The following AOAH variants were observed in gnomAD, a reference collection of about 807,000 sequenced individuals.
AOAH encodes the protein acyloxyacyl hydrolase (neutrophil).
Under a neutral mutation model 92.2 loss-of-function variants are expected in AOAH, and 64 were observed. The ratio of observed to expected loss-of-function variants is 0.69; its 90% CI spans 0.57 to 0.86. The LOEUF (loss-of-function observed/expected upper bound fraction) is 0.86, where lower values mean the gene tolerates loss of function less well. AOAH is among the 40% of genes least tolerant of loss of function. The pLI, the probability that AOAH is intolerant of heterozygous loss-of-function variation, is 0.00. For missense variants in AOAH, 656 were observed against 694.6 expected (o/e 0.94, Z 0.62); for synonymous variants, 263 against 254.5 (o/e 1.03, Z -0.32).
intron 1 of AOAH, among the ~76,000 whole-genome samples, chr7:36,718,086 T>C (rs915681386): frequency 2.6e-5 from 4 of 152,234 alleles, no homozygotes; most frequent in African/African-American, 7.2e-5. Context: ...ATCTAGAATA[T>C]ATGGAGAATT....
chr7:36,518,071 T>G (rs1314749444), intron 20 of AOAH, among the ~76,000 whole-genome samples: 1 of 152,178 alleles, frequency 6.6e-6, no homozygotes, highest in Non-Finnish European at 1.5e-5. Context: ...TGGTAAACAG[T>G]GCCATGAGTT....
At chr7:36,589,805 G>T (rs1314869001) in intron 12 of AOAH, among the ~76,000 whole-genome samples, 1 of 152,040 alleles carries the variant, frequency 6.6e-6, no homozygotes, top group Non-Finnish European at 1.5e-5. Flanking sequence ...AAAAGTTTTG[G>T]TATTGTTTCC....
At chr7:36,680,178 A>G (rs1562690113) in intron 2 of AOAH, among the ~76,000 whole-genome samples, 1 of 152,216 alleles carries the variant, frequency 6.6e-6, no homozygotes, top group East Asian at 1.9e-4. Context: ...GAATGATTCC[A>G]TTAATCATTT....
intron 20 of AOAH, among the ~76,000 whole-genome samples, chr7:36,515,125 C>A (rs1425566013): frequency 1.4e-5 from 2 of 142,062 alleles, no homozygotes; most frequent in East Asian, 2.1e-4. Flanking sequence ...TAATCACACA[C>A]CCCCACACAC....
rs908282474 is a variant in AOAH at position 36,613,360 on chromosome 7, A to G, written c.846+3020T>C. On this transcript the variant is annotated intron_variant, in intron 11 of 20. Coordinates refer to ENST00000617537, the MANE Select transcript of AOAH (RefSeq NM_001637.4). Reference sequence around the variant, plus strand: ...CAGGATGATTCCAAGATTTTTCTTTATCCTTGGAATAAATAAGGAAAAGCA... The same window carrying G: ...CAGGATGATTCCAAGATTTTTCTTTGTCCTTGGAATAAATAAGGAAAAGCA... Among the ~76,000 whole-genome samples the G allele has an allele frequency of 4.6e-5, 7 of 152,268 alleles. No individual in the cohort carries two copies. In the East Asian group the frequency reaches 1.3e-3, roughly 29 times the overall value.
chr7:36,684,945 A>C (rs968308560), intron 2 of AOAH, among the ~76,000 whole-genome samples: 5 of 88,822 alleles, frequency 5.6e-5, no homozygotes, highest in Non-Finnish European at 1.1e-4. Context: ...AAAAAGAAGA[A>C]GAAGAAGAAG....
At chr7:36,651,000 GT>G (rs2116448274) in intron 4 of AOAH, among the ~76,000 whole-genome samples, 1 of 152,358 alleles carries the variant, frequency 6.6e-6, no homozygotes, top group East Asian at 1.9e-4. Flanking sequence ...GGAACTGGGA[GT>G]TCTAGGGAAA....
intron 1 of AOAH, among the ~76,000 whole-genome samples, chr7:36,689,365 A>T (rs1326841207): frequency 6.6e-6 from 1 of 152,164 alleles, no homozygotes; most frequent in East Asian, 1.9e-4. Flanking sequence ...CTAATAATAG[A>T]AATTCATTTC....
intron 16 of AOAH, among the ~76,000 whole-genome samples, chr7:36,534,025 G>T (rs1244354413): frequency 6.6e-6 from 1 of 151,930 alleles, no homozygotes; most frequent in African/African-American, 2.4e-5. Context: ...CTGAGGGGCG[G>T]CATCTCTCTG....
Position 36,621,648 on chromosome 7 carries a change from G to A in AOAH, c.653+62C>T. 2.7e-6 allele frequency: 4 copies of A among 1,477,592 alleles called. No individual in the cohort carries two copies. In the South Asian group the frequency reaches 3.4e-5, roughly 13 times the overall value. The allele number at this position is 1,477,592 out of a possible 1,614,324, so 91.5% of individuals were successfully genotyped here. ...ATCCCCTAGGCTGGGGGAAGGAAAT[G>A]TGCCTCCTGCTTCCTTTTCTGAAGA... On this transcript the variant is annotated intron_variant, in intron 8 of 20. Coordinates refer to ENST00000617537, the MANE Select transcript of AOAH (RefSeq NM_001637.4).
At chr7:36,620,938 A>G (rs534524688) in intron 8 of AOAH, 109 bp from the exon 9 acceptor site, 1 of 1,007,786 alleles carries the variant, frequency 9.9e-7, no homozygotes, top group Admixed American at 2.0e-5. Context: ...ACGAAGTGCC[A>G]TGGAGAGACA....
At chr7:36,543,706 C>A (rs17170629) in intron 15 of AOAH, among the ~76,000 whole-genome samples, 3,630 of 152,232 alleles carry the variant, frequency 0.024, 166 homozygotes, top group African/African-American at 0.083. Flanking sequence ...TAAGTGAAAT[C>A]AAAATATAAG....
intron 4 of AOAH, among the ~76,000 whole-genome samples, chr7:36,655,214 A>G (rs1794805754): frequency 6.6e-6 from 1 of 152,240 alleles, no homozygotes; most frequent in Admixed American, 6.5e-5. Context: ...AAGGGTGGAC[A>G]ACAATACCTA....
At chr7:36,658,429 G>C (rs1297375427) in intron 4 of AOAH, among the ~76,000 whole-genome samples, 1 of 152,084 alleles carries the variant, frequency 6.6e-6, no homozygotes, top group Non-Finnish European at 1.5e-5. Context: ...ATATTCTGTG[G>C]CCTAACTGGA....
At chr7:36,514,576 G>C (rs549491477) in intron 20 of AOAH, 1 of 1,535,634 alleles carries the variant, frequency 6.5e-7, no homozygotes, top group East Asian at 2.4e-5. Flanking sequence ...TGCCTTTGAG[G>C]AGGATGCTCT....
rs780984927 is a variant in AOAH at position 36,548,701 on chromosome 7, A to G, written c.1059-15T>C. 2.5e-6 allele frequency: 4 copies of G among 1,609,326 alleles called. No individual in the cohort carries two copies. Among genetic ancestry groups the G allele is most frequent in the Non-Finnish European group, 3.4e-6 (4 of 1,175,838 alleles). On this transcript the variant is annotated splice_polypyrimidine_tract_variant and intron_variant, in intron 14 of 20. Coordinates refer to ENST00000617537, the MANE Select transcript of AOAH (RefSeq NM_001637.4). ...TTCTAGACAAGCTGAGAAGGCATAG[A>G]TGGAATCTGAATGTCAGATACTTGG... is the stretch of plus-strand genomic sequence containing the variant.
chr7:36,606,691 A>G (rs1476101888), intron 11 of AOAH, among the ~76,000 whole-genome samples: 1 of 152,140 alleles, frequency 6.6e-6, no homozygotes, highest in Non-Finnish European at 1.5e-5. Context: ...GGCCTCAATG[A>G]TCTTTCCACC....
chr7:36,655,840 G>A (rs964207037), intron 4 of AOAH, among the ~76,000 whole-genome samples: 6 of 152,160 alleles, frequency 3.9e-5, no homozygotes, highest in African/African-American at 1.2e-4. Context: ...GAGTTCAGAG[G>A]ATAGTGGTAG....
chr7:36,687,428 CT>C (rs1383035856), intron 1 of AOAH, among the ~76,000 whole-genome samples: 5 of 152,098 alleles, frequency 3.3e-5, no homozygotes, highest in Non-Finnish European at 7.4e-5. Context: ...TATATTCCTT[CT>C]GTTACTTTGA....
Sources: gnomAD v4.1 joint callset for allele counts (sites outside exome capture counted in the v4.1 genomes callset) on GRCh38, gnomAD v4.1.1 for gene constraint, MANE v1.5 for transcripts, NCBI Gene and HGNC (gene_info 2026-07-23, HGNC 2026-07-21) for gene names.